Variants in ACVR1C observed in about 807,000 individuals in gnomAD.
The protein encoded by ACVR1C is activin receptor type-1C.
In ACVR1C, 23 loss-of-function variants were observed where a neutral mutation model predicts 57.9. The observed-to-expected ratio is 0.40, with a 90% CI of 0.29 to 0.56. ACVR1C has a LOEUF of 0.56. Ranked by LOEUF, ACVR1C falls within the 20% of genes least tolerant of loss-of-function variation. The probability of loss-of-function intolerance (pLI) is 0.50; values close to 1 mark genes in which losing one functional copy is unlikely to be tolerated. For missense variants in ACVR1C, 480 were observed against 607.9 expected (o/e 0.79, Z 2.21); for synonymous variants, 214 against 215.3 (o/e 0.99, Z 0.05).
intron 2 of ACVR1C, among the ~76,000 whole-genome samples, chr2:157,584,035 T>C (rs1171405894): frequency 6.6e-6 from 1 of 151,028 alleles, no homozygotes; most frequent in Non-Finnish European, 1.5e-5. Context: ...ATTTCAACCT[T>C]GTGCTCTGTA....
At chr2:157,628,518 ACCT>A in intron 1 of ACVR1C, 51 bp downstream of exon 1, 1 of 1,559,426 alleles carries the variant, frequency 6.4e-7, no homozygotes, top group Non-Finnish European at 8.7e-7. Flanking sequence ...TCACCCGCAG[ACCT>A]CCTCCCAGCT....
Position 157,587,109 on chromosome 2 carries a change from G to C in ACVR1C, c.304+78C>G. On this transcript the variant is annotated intron_variant, in intron 2 of 8. Coordinates refer to ENST00000243349, the MANE Select transcript of ACVR1C (RefSeq NM_145259.3). ...GATTTTCCTATTTAAAGAAACATAA[G>C]ACAGTTTGATTCCTACCATTCTTAT... The C allele has an allele frequency of 2.4e-6, 3 of 1,273,126 alleles. No individual in the cohort carries two copies. The South Asian group carries it at 3.9e-5, about 16-fold the overall frequency. 78.9% of individuals were successfully genotyped at this position (1,273,126 alleles called of 1,614,324 possible). A position where few individuals can be genotyped will look rare whatever the true frequency, so the allele number is the denominator to read the frequency against.
At chr2:157,554,177 T>C (rs1015787378) in intron 3 of ACVR1C, among the ~76,000 whole-genome samples, 21 of 62,704 alleles carry the variant, frequency 3.3e-4, no homozygotes, top group African/African-American at 1.3e-3. Context: ...GGTGAGAATC[T>C]GGAAAAAAAA....
At chr2:157,554,192 T>G (rs188888062) in intron 3 of ACVR1C, among the ~76,000 whole-genome samples, 1,371 of 18,222 alleles carry the variant, frequency 0.075, 27 homozygotes, top group African/African-American at 0.21. Context: ...AAAAAAAAAA[T>G]AAAGAAGAGA....
chr2:157,573,254 C>T (rs939216355), intron 2 of ACVR1C, among the ~76,000 whole-genome samples: 4 of 152,072 alleles, frequency 2.6e-5, no homozygotes, highest in African/African-American at 7.2e-5. Flanking sequence ...TATTATACAC[C>T]TACCACAATT....
Position 157,582,611 on chromosome 2 carries a change from T to A in ACVR1C, c.304+4576A>T, listed in dbSNP as rs189975165. On this transcript the variant is annotated intron_variant, in intron 2 of 8. Coordinates refer to ENST00000243349, the MANE Select transcript of ACVR1C (RefSeq NM_145259.3). ...TCTACAAAAAAATCCACAGTTAACA[T>A]CATACTTAAGGGTAAAAGAATGAAT... Among the ~76,000 whole-genome samples, 5 of 152,262 alleles carry A rather than the reference T, an allele frequency of 3.3e-5. No homozygotes were observed. The East Asian group carries it at 9.6e-4, about 29-fold the overall frequency.
chr2:157,628,445 C>T (rs1253493928), intron 1 of ACVR1C, 127 bp downstream of exon 1: 4 of 1,113,324 alleles, frequency 3.6e-6, no homozygotes, highest in Non-Finnish European at 5.3e-6. Context: ...ATCCGACTGG[C>T]GCTTCCCTGT....
intron 3 of ACVR1C, among the ~76,000 whole-genome samples, chr2:157,554,197 A>AAGAGAGAGAG (rs755252966): frequency 4.2e-5 from 5 of 118,714 alleles, no homozygotes; most frequent in African/African-American, 1.8e-4. Context: ...AAAAATAAAG[A>AAGAGAGAGAG]AGAGAGAAAG....
Position 157,575,214 on chromosome 2 carries a change from C to T in ACVR1C, c.304+11973G>A, listed in dbSNP as rs144272016. 4.7e-3 allele frequency among the ~76,000 whole-genome samples: 638 copies of T among 135,504 alleles called. 7 individuals are homozygous for T. The highest frequency in any genetic ancestry group is 0.016 in the African/African-American group (612 of 38,050). The allele number at this position is 135,504 out of a possible 152,430, so 88.9% of individuals were successfully genotyped here. On this transcript the variant is annotated intron_variant, in intron 2 of 8. Transcript: ENST00000243349. ...TGCGATCTCGCCTTACTACAACCTC[C>T]GCCTCCCGGGTTCAAGCGATTCTCC... is the stretch of plus-strand genomic sequence containing the variant.
chr2:157,618,400 G>A (rs1682699219), intron 1 of ACVR1C, among the ~76,000 whole-genome samples: 1 of 151,380 alleles, frequency 6.6e-6, no homozygotes, highest in Admixed American at 6.6e-5. Flanking sequence ...AAATGAAAGA[G>A]GATATATAAA....
intron 2 of ACVR1C, among the ~76,000 whole-genome samples, chr2:157,584,173 T>TAA (rs769359004): frequency 2.8e-5 from 4 of 142,524 alleles, no homozygotes; most frequent in Non-Finnish European, 4.6e-5. Context: ...CAGAAGAAGA[T>TAA]AAAAAAAAAA....
chr2:157,537,297 G>A (rs1416847601), intron 8 of ACVR1C, among the ~76,000 whole-genome samples: 1 of 151,836 alleles, frequency 6.6e-6, no homozygotes, highest in Non-Finnish European at 1.5e-5. Flanking sequence ...TATTGAAAAT[G>A]TTCTATTTTT....
chr2:157,565,916 A>G (rs530412000), intron 2 of ACVR1C, among the ~76,000 whole-genome samples: 17 of 152,318 alleles, frequency 1.1e-4, no homozygotes, highest in African/African-American at 4.1e-4. Context: ...CGCTTTAAAG[A>G]AACAAGAATC....
At chr2:157,545,795 G>A (rs951436359) in intron 4 of ACVR1C, among the ~76,000 whole-genome samples, 8 of 151,934 alleles carry the variant, frequency 5.3e-5, no homozygotes, top group Non-Finnish European at 1.0e-4. Context: ...ATTTTTTTGA[G>A]ACAGCATGTC....
At position 157,554,353 on chromosome 2, in the gene ACVR1C, GAGAA is replaced by G. The variant is rs746253095; in HGVS notation, c.544+1736_544+1739del. On this transcript the variant is annotated intron_variant, in intron 3 of 8. Coordinates refer to ENST00000243349, the MANE Select transcript of ACVR1C (RefSeq NM_145259.3). ...AAAGAGAAAGAGAGAAAGAAAGAAA[GAGAA>G]AGAAAGAAAGAAGGGAGGGAGGGAG... Among the ~76,000 whole-genome samples, 345 of 132,790 alleles carry G rather than the reference GAGAA, an allele frequency of 2.6e-3. 5 individuals are homozygous for G. Among genetic ancestry groups the G allele is most frequent in the Middle Eastern group, 0.011 (3 of 272 alleles). 87.1% of individuals were successfully genotyped at this position (132,790 alleles called of 152,430 possible).
intron 2 of ACVR1C, among the ~76,000 whole-genome samples, chr2:157,564,307 C>T (rs1026329244): frequency 6.6e-6 from 1 of 152,146 alleles, no homozygotes; most frequent in East Asian, 1.9e-4. Flanking sequence ...AGGATATGAA[C>T]AGACACTTCT....
At position 157,530,002 on chromosome 2, in the gene ACVR1C, GCA is replaced by G. The variant is rs1006144864; in HGVS notation, c.*3914_*3915del. The G allele has an allele frequency of 6.6e-5, 10 of 152,024 alleles. No homozygotes were observed. Among genetic ancestry groups the G allele is most frequent in the Non-Finnish European group, 1.2e-4 (8 of 67,956 alleles). 9.4% of individuals were successfully genotyped at this position (152,024 alleles called of 1,614,324 possible). ...GCAGAAAAACTCCATGTAGGTATCA[GCA>G]CACAGAGCTAGAACAAAGCATTGTC... On this transcript the variant is annotated 3_prime_UTR_variant, in exon 9 of 9. Coordinates refer to ENST00000243349, the MANE Select transcript of ACVR1C (RefSeq NM_145259.3).
intron 1 of ACVR1C, among the ~76,000 whole-genome samples, chr2:157,593,373 T>C (rs939313422): frequency 1.3e-5 from 2 of 152,204 alleles, no homozygotes; most frequent in Non-Finnish European, 1.5e-5. Context: ...TTTCCTTTGT[T>C]TGGAGTCTAT....
intron 4 of ACVR1C, among the ~76,000 whole-genome samples, chr2:157,546,808 T>G (rs1197844473): frequency 6.6e-6 from 1 of 152,166 alleles, no homozygotes; most frequent in Non-Finnish European, 1.5e-5. Context: ...ACTTATTTTA[T>G]TTTATTTTAT....
Sources: gnomAD v4.1 joint callset for allele counts (sites outside exome capture counted in the v4.1 genomes callset) on GRCh38, gnomAD v4.1.1 for gene constraint, MANE v1.5 for transcripts, NCBI Gene and HGNC (gene_info 2026-07-23, HGNC 2026-07-21) for gene names.